The following WWOX variants were observed in gnomAD, a reference collection of about 807,000 sequenced individuals.
The protein encoded by WWOX is WW domain containing oxidoreductase, also known as WW domain-containing oxidoreductase.
A neutral mutation model predicts 46.2 loss-of-function variants in WWOX; 69 were observed. The ratio of observed to expected loss-of-function variants is 1.49; its 90% CI spans 1.23 to 1.82. The LOEUF (loss-of-function observed/expected upper bound fraction) is 1.82. WWOX is among the 40% of genes most tolerant of loss of function. The probability of loss-of-function intolerance (pLI) is 0.00; values close to 1 mark genes in which losing one functional copy is unlikely to be tolerated. For synonymous variants in WWOX, 359 were observed against 202.6 expected (o/e 1.77, Z -6.56); for missense variants, 919 against 542.6 (o/e 1.69, Z -6.89).
chr16:78,396,095 G>A (rs752276892), intron 6 of WWOX, among the ~76,000 whole-genome samples: 13 of 152,156 alleles, frequency 8.5e-5, no homozygotes, highest in Non-Finnish European at 1.5e-4. Flanking sequence ...TTATTCAGCA[G>A]TCACAACAGT....
chr16:78,754,865 C>A (rs957087595), intron 8 of WWOX, among the ~76,000 whole-genome samples: 3 of 152,134 alleles, frequency 2.0e-5, no homozygotes, highest in African/African-American at 7.2e-5. Context: ...TGATAACTTA[C>A]TCACAGTCTG....
chr16:78,841,486 G>A lies in WWOX; in HGVS notation c.1057-370122G>A, dbSNP rs535179041. ...TGAGAATATTTACACCATGGAAAGT[G>A]GCAAATGCTACTAATAAGGATGATT... On this transcript the variant is annotated intron_variant, in intron 8 of 8. Coordinates refer to ENST00000566780, the MANE Select transcript of WWOX (RefSeq NM_016373.4). Among the ~76,000 whole-genome samples the A allele has an allele frequency of 9.9e-5, 15 of 152,278 alleles. No individual in the cohort carries two copies. The East Asian group carries it at 1.7e-3, about 18-fold the overall frequency.
At chr16:79,015,229 C>G (rs1387139231) in intron 8 of WWOX, among the ~76,000 whole-genome samples, 2 of 152,080 alleles carry the variant, frequency 1.3e-5, no homozygotes, top group Admixed American at 6.5e-5. Context: ...ACAGAAGGTG[C>G]CTGATTTCCT....
At chr16:78,621,813 G>A (rs543144778) in intron 8 of WWOX, among the ~76,000 whole-genome samples, 1 of 151,726 alleles carries the variant, frequency 6.6e-6, no homozygotes, top group African/African-American at 2.4e-5. Context: ...CACCATGTTA[G>A]CCAGGATGGT....
At chr16:78,418,950 CA>C (rs2082862414) in intron 6 of WWOX, among the ~76,000 whole-genome samples, 1 of 150,398 alleles carries the variant, frequency 6.6e-6, no homozygotes, top group Non-Finnish European at 1.5e-5. Flanking sequence ...GGAAATTGGG[CA>C]AAAAACAAAA....
At chr16:78,254,826 G>T (rs766182891) in intron 5 of WWOX, among the ~76,000 whole-genome samples, 1 of 152,120 alleles carries the variant, frequency 6.6e-6, no homozygotes, top group Non-Finnish European at 1.5e-5. Flanking sequence ...ACCACATCTG[G>T]CCAACTTCCC....
At chr16:78,725,789 C>T (rs1276543712) in intron 8 of WWOX, among the ~76,000 whole-genome samples, 1 of 152,016 alleles carries the variant, frequency 6.6e-6, no homozygotes, top group Non-Finnish European at 1.5e-5. Flanking sequence ...TACTCCATGC[C>T]TTTGTCTTAG....
At chr16:78,921,911 T>C (rs1319642733) in intron 8 of WWOX, among the ~76,000 whole-genome samples, 1 of 152,162 alleles carries the variant, frequency 6.6e-6, no homozygotes, top group Non-Finnish European at 1.5e-5. Context: ...TACAGTTTAT[T>C]ACAGGGAAAG....
intron 8 of WWOX, among the ~76,000 whole-genome samples, chr16:78,750,895 T>C (rs1284020428): frequency 2.0e-5 from 3 of 152,158 alleles, no homozygotes. Context: ...AATCCACCAT[T>C]GATGGGCACT....
rs375328607 is a variant in WWOX, at chr16:78,284,411, A to G, written c.517-102449A>G. Among the ~76,000 whole-genome samples the G allele has an allele frequency of 5.3e-5, 8 of 152,344 alleles. No individual in the cohort carries two copies. In the East Asian group the frequency reaches 5.8e-4, roughly 11 times the overall value. On this transcript the variant is annotated intron_variant, in intron 5 of 8. Transcript: ENST00000566780. ...CCACCTAGGCATGCCTGCTACTTTG[A>G]AGTGGCAAGAGTTATCTTTGTCTAT...
At chr16:78,860,962 C>CA (rs1410441634) in intron 8 of WWOX, among the ~76,000 whole-genome samples, 1 of 152,132 alleles carries the variant, frequency 6.6e-6, no homozygotes, top group African/African-American at 2.4e-5. Flanking sequence ...ACTACAGGCG[C>CA]ATGCCGTAAC....
intron 8 of WWOX, among the ~76,000 whole-genome samples, chr16:78,678,010 G>T (rs145507995): frequency 2.1e-4 from 32 of 152,030 alleles, no homozygotes; most frequent in African/African-American, 7.2e-4. Flanking sequence ...AAACTCTGCC[G>T]TCCCTGAATC....
chr16:78,470,984 C>A (rs2084206835), intron 8 of WWOX, among the ~76,000 whole-genome samples: 1 of 152,202 alleles, frequency 6.6e-6, no homozygotes, highest in African/African-American at 2.4e-5. Context: ...AAATCAGAAA[C>A]CAACAGCACG....
chr16:78,974,912 C>T (rs1852446882), intron 8 of WWOX, among the ~76,000 whole-genome samples: 1 of 152,140 alleles, frequency 6.6e-6, no homozygotes, highest in Admixed American at 6.5e-5. Flanking sequence ...AGTCAGGGTC[C>T]ACCGATGCAG....
intron 8 of WWOX, among the ~76,000 whole-genome samples, chr16:78,677,138 G>C (rs572406830): frequency 1.2e-4 from 18 of 152,034 alleles, no homozygotes; most frequent in Admixed American, 9.2e-4. Context: ...TAAGGACACA[G>C]TGTTTACAGA....
At chr16:78,577,125 C>T (rs1181069834) in intron 8 of WWOX, among the ~76,000 whole-genome samples, 1 of 152,080 alleles carries the variant, frequency 6.6e-6, no homozygotes, top group Non-Finnish European at 1.5e-5. Context: ...AATTAGTCAC[C>T]AGTGTCTCAT....
At chr16:78,309,027 C>T (rs973533899) in intron 5 of WWOX, among the ~76,000 whole-genome samples, 1 of 152,182 alleles carries the variant, frequency 6.6e-6, no homozygotes, top group Non-Finnish European at 1.5e-5. Context: ...CACCCAAAAT[C>T]AGTCCTTTCT....
In WWOX at chr16:78,143,752, G is replaced by GTTTT. The variant is rs200125720; in HGVS notation, c.410-20415_410-20412dup. 3.9e-3 allele frequency among the ~76,000 whole-genome samples: 471 copies of GTTTT among 120,188 alleles called. 13 individuals are homozygous for GTTTT. The highest frequency in any genetic ancestry group is 8.8e-3 in the Admixed American group (95 of 10,792). 78.8% of individuals were successfully genotyped at this position (120,188 alleles called of 152,430 possible). On this transcript the variant is annotated intron_variant, in intron 4 of 8. Coordinates refer to ENST00000566780, the MANE Select transcript of WWOX (RefSeq NM_016373.4). ...CTCATTCCTCTAAAAGAATTGGTAT[G>GTTTT]TTTTTTTTTTTTTTTTTTTGGTGGT...
At chr16:78,223,477 G>A (rs2036956624) in intron 5 of WWOX, among the ~76,000 whole-genome samples, 1 of 152,176 alleles carries the variant, frequency 6.6e-6, no homozygotes. Context: ...GCAAGAGGTT[G>A]ATGGGGGATG....
Sources: allele counts gnomAD v4.1 joint callset (sites outside exome capture counted in the v4.1 genomes callset), GRCh38; gene constraint gnomAD v4.1.1; transcripts MANE v1.5; gene names NCBI Gene and HGNC (gene_info 2026-07-23, HGNC 2026-07-21).